WNK3: variants seen among roughly 807,000 people sequenced by gnomAD.
WNK3 encodes serine/threonine-protein kinase WNK3.
Under a neutral mutation model 116.7 loss-of-function variants are expected in WNK3, and 18 were observed. The observed-to-expected ratio is 0.15, with a 90% confidence interval of 0.11 to 0.23. WNK3 has a LOEUF of 0.23. Among genes scored for constraint, WNK3 ranks in the 10% least tolerant of loss-of-function variants. The pLI is 1.00. For missense variants in WNK3, 993 were observed against 1,323.8 expected (o/e 0.75, Z 3.88); for synonymous variants, 404 against 469.4 (o/e 0.86, Z 1.80).
At chrX:54,285,596 C>T (rs1336546370) in intron 10 of WNK3, among the ~76,000 whole-genome samples, 2 of 111,892 alleles carry the variant, frequency 1.8e-5, no homozygotes, top group African/African-American at 6.5e-5. Flanking sequence ...AACACAGCCG[C>T]GCCTATTTGT....
chrX:54,316,539 CA>C (rs781865793), intron 2 of WNK3, among the ~76,000 whole-genome samples: 228 of 35,525 alleles, frequency 6.4e-3, no homozygotes, highest in East Asian at 0.011. Context: ...GACTCCATCT[CA>C]AAAAAAAAAA....
At chrX:54,204,551 C>G (rs1557142308) in intron 22 of WNK3, among the ~76,000 whole-genome samples, 1 of 112,399 alleles carries the variant, frequency 8.9e-6, no homozygotes, top group Non-Finnish European at 1.9e-5. Flanking sequence ...AAATGACATA[C>G]TAACTTGTTG....
At chrX:54,343,638 G>C (rs1557176842) in intron 1 of WNK3, 2 of 111,163 alleles carry the variant, frequency 1.8e-5, no homozygotes, top group Non-Finnish European at 3.8e-5. Context: ...AATTCGTGAA[G>C]CGTTCCATAT....
chrX:54,280,959 A>G (rs2068509503), intron 10 of WNK3, among the ~76,000 whole-genome samples: 1 of 111,554 alleles, frequency 9.0e-6, no homozygotes, highest in African/African-American at 3.3e-5. Flanking sequence ...TAAAAAAAAA[A>G]GATTTTCTGA....
chrX:54,340,741 C>T lies in WNK3; in HGVS notation c.-119-6949G>A, dbSNP rs1330809896. 8.9e-5 allele frequency among the ~76,000 whole-genome samples: 10 copies of T among 111,783 alleles called. No individual in the cohort carries two copies. The Admixed American group carries it at 9.6e-4, about 11-fold the overall frequency. On this transcript the variant is annotated intron_variant, in intron 1 of 23. Transcript: ENST00000354646. Reference sequence around the variant, plus strand: ...CCAATAAACACATAAAAAGTTGTTCCACATCATTACTTATTGTGGAAATGC... The same window carrying T: ...CCAATAAACACATAAAAAGTTGTTCTACATCATTACTTATTGTGGAAATGC...
At chrX:54,332,093 C>G (rs1406284359) in intron 2 of WNK3, among the ~76,000 whole-genome samples, 7 of 111,977 alleles carry the variant, frequency 6.3e-5, no homozygotes, top group African/African-American at 2.3e-4. Context: ...ATTTGACCCA[C>G]ATCTGTCTAA....
chrX:54,347,685 T>TATATATATACACATATATATATACAC (rs1557177860), intron 1 of WNK3, among the ~76,000 whole-genome samples: 2 of 97,959 alleles, frequency 2.0e-5, no homozygotes, highest in East Asian at 2.9e-4. Flanking sequence ...TATACACATA[T>TATATATATACACATATATATATACAC]ATATATATAC....
At position 54,258,317 on chromosome X, in the gene WNK3, T is replaced by C. The variant is rs782169365; in HGVS notation, c.2102+957A>G. ...AAAAAAGAACAAGATGAATCAGATA[T>C]TGGAATTATCTAACAAGAATTTTAT... On this transcript the variant is annotated intron_variant, in intron 11 of 23. Transcript: ENST00000354646. 1.2e-3 allele frequency among the ~76,000 whole-genome samples: 124 copies of C among 107,204 alleles called. No individual in the cohort carries two copies. In the Middle Eastern group the frequency reaches 0.014, roughly 12 times the overall value. 93.1% of individuals were successfully genotyped at this position (107,204 alleles called of 115,157 possible).
At chrX:54,287,882 T>C (rs1414743336) in intron 10 of WNK3, among the ~76,000 whole-genome samples, 4 of 112,132 alleles carry the variant, frequency 3.6e-5, no homozygotes, top group African/African-American at 1.3e-4. Flanking sequence ...CACGAGGATT[T>C]ACCGTTGGAA....
intron 22 of WNK3, among the ~76,000 whole-genome samples, chrX:54,218,937 TAA>T (rs2067730359): frequency 9.1e-6 from 1 of 110,346 alleles, no homozygotes; most frequent in African/African-American, 3.3e-5. Context: ...GATAGATAGA[TAA>T]AATAAAAAAT....
At chrX:54,290,296 G>A (rs1461576943) in intron 10 of WNK3, among the ~76,000 whole-genome samples, 2 of 109,534 alleles carry the variant, frequency 1.8e-5, no homozygotes, top group Admixed American at 2.0e-4. Flanking sequence ...AAGAAAGAAA[G>A]GACTGATTGT....
intron 2 of WNK3, among the ~76,000 whole-genome samples, chrX:54,318,745 A>G (rs1291450507): frequency 9.0e-6 from 1 of 110,920 alleles, no homozygotes. Context: ...GGAAACAAGT[A>G]GAGTCTTTAT....
chrX:54,210,165 A>C (rs1414368037), intron 22 of WNK3, among the ~76,000 whole-genome samples: 1 of 111,845 alleles, frequency 8.9e-6, no homozygotes, highest in Non-Finnish European at 1.9e-5. Flanking sequence ...AGAAATATGA[A>C]ATCACCTGTT....
chrX:54,314,986 G>C (rs782431633), intron 2 of WNK3, among the ~76,000 whole-genome samples: 2 of 109,917 alleles, frequency 1.8e-5, no homozygotes, highest in East Asian at 5.7e-4. Context: ...ATGCCACATA[G>C]ACAACACATG....
intron 11 of WNK3, among the ~76,000 whole-genome samples, chrX:54,258,104 CCT>C (rs782313616): frequency 2.8e-5 from 3 of 107,266 alleles, no homozygotes; most frequent in Non-Finnish European, 3.8e-5. Context: ...ATGGTGAAAC[CCT>C]GTCTCTACTA....
intron 1 of WNK3, among the ~76,000 whole-genome samples, chrX:54,355,538 T>A (rs1603403633): frequency 9.1e-6 from 1 of 110,097 alleles, no homozygotes; most frequent in African/African-American, 3.3e-5. Context: ...CAGGAATAGC[T>A]GGTGACAAAT....
intron 10 of WNK3, among the ~76,000 whole-genome samples, chrX:54,277,443 T>C (rs1466579360): frequency 9.2e-6 from 1 of 108,604 alleles, no homozygotes; most frequent in Non-Finnish European, 1.9e-5. Flanking sequence ...GTTCAAGGGA[T>C]TCTCCTGCCT....
chrX:54,223,218 T>C (rs2067791458), intron 22 of WNK3: 3 of 110,322 alleles, frequency 2.7e-5, no homozygotes, highest in Middle Eastern at 4.7e-3. Context: ...CAGAAATACA[T>C]TCAAAGTAAA....
exon 24 of WNK3, chrX:54,195,131 C>G (rs1199834543): frequency 9.0e-6 from 1 of 111,708 alleles, no homozygotes; most frequent in African/African-American, 3.2e-5. Flanking sequence ...GATGTTACAC[C>G]CAACTTCACA....
Sources: allele counts gnomAD v4.1 joint callset (sites outside exome capture counted in the v4.1 genomes callset), GRCh38; gene constraint gnomAD v4.1.1; transcripts MANE v1.5; gene names NCBI Gene and HGNC (gene_info 2026-07-23, HGNC 2026-07-21).